The following VPS13A variants were observed in gnomAD, a reference collection of about 807,000 sequenced individuals.
VPS13A encodes the protein vacuolar protein sorting 13 homolog A.
VPS13A carries 264 observed loss-of-function variants against 390.9 expected under a neutral mutation model. That is an observed-to-expected ratio of 0.68 (90% CI 0.61 to 0.75). The LOEUF (loss-of-function observed/expected upper bound fraction) is 0.75. Ranked by LOEUF, VPS13A falls within the 30% of genes least tolerant of loss-of-function variation. The probability of loss-of-function intolerance (pLI) is 0.00; values close to 1 mark genes in which losing one functional copy is unlikely to be tolerated. For missense variants in VPS13A, 3,409 were observed against 3,733.9 expected (o/e 0.91, Z 2.27); for synonymous variants, 1,231 against 1,227.1 (o/e 1.00, Z -0.07).
intron 34 of VPS13A, among the ~76,000 whole-genome samples, chr9:77,306,414 T>TTTGTG (rs1554885537): frequency 7.1e-6 from 1 of 140,782 alleles, no homozygotes; most frequent in East Asian, 2.1e-4. Context: ...GTGTGTGTGT[T>TTTGTG]TGTGTGTGTG....
intron 6 of VPS13A, 22 bp downstream of exon 6, chr9:77,209,554 ATT>A (rs1274071069): frequency 1.4e-6 from 2 of 1,402,262 alleles, no homozygotes; most frequent in East Asian, 2.5e-5. Flanking sequence ...AATATGTGAT[ATT>A]TGTTTTTATA....
chr9:77,314,892 G>T (rs538918649), intron 37 of VPS13A, among the ~76,000 whole-genome samples: 81 of 152,204 alleles, frequency 5.3e-4, no homozygotes, highest in South Asian at 4.8e-3. Flanking sequence ...GAAATAATCA[G>T]TGCAATTAAA....
intron 50 of VPS13A, 111 bp downstream of exon 50, chr9:77,340,661 T>C (rs1267039903): frequency 1.5e-6 from 2 of 1,375,326 alleles, no homozygotes. Flanking sequence ...TCCAATTTTG[T>C]TTTAGTTTCA....
intron 67 of VPS13A, among the ~76,000 whole-genome samples, chr9:77,373,725 G>C (rs956746195): frequency 4.6e-5 from 7 of 150,664 alleles, no homozygotes; most frequent in Admixed American, 1.3e-4. Context: ...GAAAATTTTC[G>C]CAACCTACTC....
In VPS13A at chr9:77,189,605, G is replaced by T. The variant is rs190615036; in HGVS notation, c.101-10340G>T. Among the ~76,000 whole-genome samples, 37 of 152,200 alleles carry T rather than the reference G, an allele frequency of 2.4e-4. No individual in the cohort carries two copies. In the East Asian group the frequency reaches 7.0e-3, roughly 29 times the overall value. On this transcript the variant is annotated intron_variant, in intron 1 of 71. Coordinates refer to ENST00000360280, the MANE Select transcript of VPS13A (RefSeq NM_033305.3). Reference sequence around the variant, plus strand: ...TCAGGCTACTTTTTTGGGCCAGTATGAATTTTAAAATAGTTTTTTCTAATT... The same window carrying T: ...TCAGGCTACTTTTTTGGGCCAGTATTAATTTTAAAATAGTTTTTTCTAATT...
At chr9:77,377,213 T>TG (rs1196913495) in intron 67 of VPS13A, among the ~76,000 whole-genome samples, 1 of 109,266 alleles carries the variant, frequency 9.2e-6, no homozygotes, top group East Asian at 2.4e-4. Flanking sequence ...GTTTTTTTTT[T>TG]TTTTTTTTTT....
intron 1 of VPS13A, among the ~76,000 whole-genome samples, chr9:77,179,687 G>GT (rs142930729): frequency 0.019 from 2,435 of 130,804 alleles, 42 homozygotes; most frequent in Middle Eastern, 0.056. Context: ...TGGGTTGTAC[G>GT]TTTTTTTTTT....
chr9:77,216,082 C>G (rs1822845489), intron 10 of VPS13A, among the ~76,000 whole-genome samples: 1 of 152,198 alleles, frequency 6.6e-6, no homozygotes, highest in African/African-American at 2.4e-5. Flanking sequence ...AATGAACATA[C>G]TGGAACCAGG....
chr9:77,370,299 C>G lies in VPS13A; in HGVS notation c.8710C>G (p.Leu2904Val). 1 of 1,614,156 alleles carries G rather than the reference C, an allele frequency of 6.2e-7. No individual in the cohort carries two copies. Among genetic ancestry groups the G allele is most frequent in the Non-Finnish European group, 8.5e-7 (1 of 1,180,018 alleles). Reference protein sequence around the residue: ...GPEEFVEGMALGLKALVGGAV... With the variant: ...GPEEFVEGMAVGLKALVGGAV... Reference sequence around the variant, plus strand: ...TGAAGAGTTTGTGGAAGGAATGGCACTAGGACTTAAGGCACTAGTTGGTGG... The same window carrying G: ...TGAAGAGTTTGTGGAAGGAATGGCAGTAGGACTTAAGGCACTAGTTGGTGG... Residue 2904 changes from leucine to valine, a missense_variant, in exon 64 of 72, where the codon CTA becomes GTA. Physicochemically the swap from Leu to Val is conservative, Grantham distance 32. Coordinates refer to ENST00000360280, the MANE Select transcript of VPS13A (RefSeq NM_033305.3).
chr9:77,393,479 AC>A (rs781599753), intron 68 of VPS13A, among the ~76,000 whole-genome samples: 4 of 152,198 alleles, frequency 2.6e-5, no homozygotes, highest in Non-Finnish European at 5.9e-5. Flanking sequence ...ATTTACTTTG[AC>A]CAGATCCATC....
intron 1 of VPS13A, among the ~76,000 whole-genome samples, chr9:77,182,253 A>G (rs748955892): frequency 3.9e-5 from 6 of 151,926 alleles, no homozygotes; most frequent in Non-Finnish European, 7.4e-5. Context: ...ACCATCATGC[A>G]TGGCTAATTT....
At chr9:77,403,783 T>C (rs1056464730) in intron 69 of VPS13A, among the ~76,000 whole-genome samples, 1 of 152,154 alleles carries the variant, frequency 6.6e-6, no homozygotes, top group Non-Finnish European at 1.5e-5. Flanking sequence ...GAGGGGTACA[T>C]GTAAAAATAC....
chr9:77,375,715 A>G (rs1390201143), intron 67 of VPS13A, among the ~76,000 whole-genome samples: 2 of 152,210 alleles, frequency 1.3e-5, no homozygotes, highest in Admixed American at 6.5e-5. Context: ...CAGGAAGACA[A>G]AATAAAAGTA....
At chr9:77,319,195 C>CA (rs5898533) in intron 41 of VPS13A, among the ~76,000 whole-genome samples, 42,094 of 123,316 alleles carry the variant, frequency 0.34, 6,927 homozygotes, top group East Asian at 0.53. Context: ...GACCCAGACT[C>CA]AAAAAAAAAA....
At chr9:77,339,198 T>C (rs1242505876) in intron 47 of VPS13A, 1 of 278,306 alleles carries the variant, frequency 3.6e-6, no homozygotes. Flanking sequence ...TTTTTGTCGT[T>C]GTTTTACCAA....
Position 77,366,737 on chromosome 9 carries a change from G to C in VPS13A, c.8336G>C (p.Ser2779Thr). ...FHISPIKLHLSVSLSSGREEA... is the reference protein window; with the variant it reads ...FHISPIKLHLTVSLSSGREEA... ...TCTTTATCTTTTTAGTTACATTTAA[G>C]TGTTTCACTGAGTTCCGGCAGAGAA... The change falls in exon 61 of 72, where the codon AGT becomes ACT. Residue 2779 changes from serine to threonine, a missense_variant. Transcript: ENST00000360280. 1 of 1,611,754 alleles carries C rather than the reference G, an allele frequency of 6.2e-7. No homozygotes were observed. Among genetic ancestry groups the C allele is most frequent in the South Asian group, 1.1e-5 (1 of 90,808 alleles).
At chr9:77,253,936 C>CTT (rs1172781069) in intron 22 of VPS13A, among the ~76,000 whole-genome samples, 819 of 55,078 alleles carry the variant, frequency 0.015, 164 homozygotes, top group African/African-American at 0.048. Flanking sequence ...GGCCTTTATT[C>CTT]TTTTTTTTTT....
chr9:77,340,099 TA>T, intron 48 of VPS13A, 78 bp from the exon 49 acceptor site: 1 of 1,438,122 alleles, frequency 7.0e-7, no homozygotes, highest in Non-Finnish European at 9.7e-7. Flanking sequence ...TTGTTTATGC[TA>T]AAAAGTAATT....
rs1236307998 is a variant in VPS13A, at chr9:77,420,385, A to C, written c.*4379A>C. ...TTATTGAAACCTTTTTCTACTTTAT[A>C]TTTCCTCTTTTGTAAATTTTTCCAT... On this transcript the variant is annotated 3_prime_UTR_variant, in exon 72 of 72. Transcript: ENST00000360280. The C allele has an allele frequency of 1.3e-5, 2 of 151,784 alleles. No individual in the cohort carries two copies. Among genetic ancestry groups the C allele is most frequent in the African/African-American group, 4.8e-5 (2 of 41,314 alleles). The allele number at this position is 151,784 out of a possible 1,614,324, so 9.4% of individuals were successfully genotyped here.
Sources: gnomAD v4.1 joint callset for allele counts (sites outside exome capture counted in the v4.1 genomes callset) on GRCh38, gnomAD v4.1.1 for gene constraint, MANE v1.5 for transcripts, NCBI Gene and HGNC (gene_info 2026-07-23, HGNC 2026-07-21) for gene names.